Variants in DDR2 observed in about 807,000 individuals in gnomAD.
The protein encoded by DDR2 is discoidin domain receptor tyrosine kinase 2.
Under a neutral mutation model 94.9 loss-of-function variants are expected in DDR2, and 27 were observed. The ratio of observed to expected loss-of-function variants is 0.28; its 90% CI spans 0.21 to 0.39. The LOEUF is 0.39. Ranked by LOEUF, DDR2 falls within the 10% of genes least tolerant of loss-of-function variation. The pLI is 1.00. For synonymous variants in DDR2, 382 were observed against 377.2 expected, an observed-to-expected ratio of 1.01 and a Z score of -0.15; for missense variants, 783 against 1,076.0, an observed-to-expected ratio of 0.73 and a Z score of 3.81.
In DDR2 at chr1:162,741,255, AAT is replaced by A. The variant is rs1558057559; in HGVS notation, c.83-11839_83-11838del. Among the ~76,000 whole-genome samples the A allele has an allele frequency of 3.2e-3, 392 of 123,206 alleles. 5 individuals are homozygous for A. Among genetic ancestry groups the A allele is most frequent in the African/African-American group, 7.8e-3 (225 of 28,822 alleles). 80.8% of individuals were successfully genotyped at this position (123,206 alleles called of 152,430 possible). A position where few individuals can be genotyped will look rare whatever the true frequency, so the allele number is the denominator to read the frequency against. On this transcript the variant is annotated intron_variant, in intron 3 of 17. Transcript: ENST00000367921. ...AATATAATATAATATAGTATAATGT[AAT>A]GTAATGTAATATAATATAATATAAT...
chr1:162,652,601 A>G (rs1657758345), intron 1 of DDR2, among the ~76,000 whole-genome samples: 1 of 152,242 alleles, frequency 6.6e-6, no homozygotes. Context: ...TTTGGTTCAC[A>G]GACAATAAGG....
At chr1:162,775,281 C>T (rs532305578) in intron 14 of DDR2, among the ~76,000 whole-genome samples, 10 of 151,902 alleles carry the variant, frequency 6.6e-5, no homozygotes, top group African/African-American at 2.4e-4. Context: ...TAAATATCCT[C>T]GTGCACTTAA....
intron 11 of DDR2, among the ~76,000 whole-genome samples, chr1:162,769,234 G>T (rs1664146156): frequency 6.6e-6 from 1 of 152,196 alleles, no homozygotes; most frequent in Admixed American, 6.5e-5. Context: ...GGTCCTCCAA[G>T]AAATTCTACC....
At position 162,780,391 on chromosome 1, in the gene DDR2, C is replaced by A; in HGVS notation, c.*145C>A. ...TGCTTTGCCCTCTTTTCCTGGTCAC[C>A]CCCACTCCCTACCCCTGACTCATAT... On this transcript the variant is annotated 3_prime_UTR_variant, in exon 18 of 18. Coordinates refer to ENST00000367921, the MANE Select transcript of DDR2 (RefSeq NM_006182.4). 2 of 1,220,014 alleles carry A rather than the reference C, an allele frequency of 1.6e-6. No individual in the cohort carries two copies. The highest frequency in any genetic ancestry group is 1.3e-5 in the South Asian group (1 of 77,764). The allele number at this position is 1,220,014 out of a possible 1,614,324, so 75.6% of individuals were successfully genotyped here.
At chr1:162,699,268 C>G (rs901974600) in intron 2 of DDR2, among the ~76,000 whole-genome samples, 12 of 152,236 alleles carry the variant, frequency 7.9e-5, no homozygotes, top group African/African-American at 2.9e-4. Flanking sequence ...TAAATCTGAA[C>G]ACTTTCCTTG....
chr1:162,761,871 T>C (rs1181131980), intron 9 of DDR2, among the ~76,000 whole-genome samples: 2 of 152,226 alleles, frequency 1.3e-5, no homozygotes, highest in South Asian at 2.1e-4. Context: ...TTTTGCCATA[T>C]TTGTTTCACC....
At chr1:162,773,874 C>CAACTGTCT in intron 14 of DDR2, among the ~76,000 whole-genome samples, 1 of 152,322 alleles carries the variant, frequency 6.6e-6, no homozygotes, top group Non-Finnish European at 1.5e-5. Flanking sequence ...CCAACATATA[C>CAACTGTCT]AACTGTCTAA....
At chr1:162,643,110 T>C (rs1657223296) in intron 1 of DDR2, among the ~76,000 whole-genome samples, 1 of 152,154 alleles carries the variant, frequency 6.6e-6, no homozygotes, top group African/African-American at 2.4e-5. Context: ...CCTATTGTCT[T>C]TCCTTCACAA....
At chr1:162,748,170 T>C (rs1662979906) in intron 3 of DDR2, among the ~76,000 whole-genome samples, 1 of 152,174 alleles carries the variant, frequency 6.6e-6, no homozygotes, top group Admixed American at 6.5e-5. Context: ...TAAATGTAAA[T>C]GGGCTAAATG....
At position 162,785,517 on chromosome 1, in the gene DDR2, TAC is replaced by T. The variant is rs1648111958; in HGVS notation, c.*5273_*5274del. 6.6e-6 allele frequency: 1 copy of T among 152,178 alleles called. No homozygotes were observed. The highest frequency in any genetic ancestry group is 2.4e-5 in the African/African-American group (1 of 41,436). The allele number at this position is 152,178 out of a possible 1,614,324, so 9.4% of individuals were successfully genotyped here. ...AAGTTGAAACTCCAGTTTTGTGGAT[TAC>T]AGTTTTGAGTTTTATGATTGACATT... On this transcript the variant is annotated 3_prime_UTR_variant, in exon 18 of 18. Coordinates refer to ENST00000367921, the MANE Select transcript of DDR2 (RefSeq NM_006182.4).
chr1:162,753,872 T>G lies in DDR2; in HGVS notation c.185+675T>G, dbSNP rs76540284. ...TAAAATGGAATTACCCATAAGAAAA[T>G]GAATCCTGATGAACCTTTCCCCTTA... On this transcript the variant is annotated intron_variant, in intron 4 of 17. Transcript: ENST00000367921. Among the ~76,000 whole-genome samples the G allele has an allele frequency of 9.8e-3, 1,486 of 152,282 alleles. 21 individuals carry two copies. Among genetic ancestry groups the G allele is most frequent in the African/African-American group, 0.034 (1,418 of 41,558 alleles).
chr1:162,704,440 C>G (rs182029593), intron 2 of DDR2, among the ~76,000 whole-genome samples: 28 of 152,260 alleles, frequency 1.8e-4, no homozygotes, highest in African/African-American at 6.3e-4. Context: ...ATACCAACAT[C>G]AAATAACTAT....
chr1:162,673,957 T>C (rs1244618174), intron 2 of DDR2, among the ~76,000 whole-genome samples: 1 of 151,706 alleles, frequency 6.6e-6, no homozygotes, highest in Non-Finnish European at 1.5e-5. Context: ...CTCTAGGTAA[T>C]CTCTCTATTC....
intron 3 of DDR2, among the ~76,000 whole-genome samples, chr1:162,734,899 G>A (rs1662222721): frequency 6.6e-6 from 1 of 152,174 alleles, no homozygotes; most frequent in Admixed American, 6.5e-5. Context: ...AGCTAATTTG[G>A]GCTATTGTGT....
intron 16 of DDR2, among the ~76,000 whole-genome samples, chr1:162,776,979 C>G (rs1217004395): frequency 6.6e-6 from 1 of 152,126 alleles, no homozygotes; most frequent in Non-Finnish European, 1.5e-5. Context: ...AGACTATACA[C>G]TTTTACTTCC....
In DDR2 at chr1:162,667,400, C is replaced by T. The variant is rs900007249; in HGVS notation, c.-28+12026C>T. On this transcript the variant is annotated intron_variant, in intron 2 of 17. Coordinates refer to ENST00000367921, the MANE Select transcript of DDR2 (RefSeq NM_006182.4). Reference sequence around the variant, plus strand: ...CACACAGATAGACTATGGCAGACCCCGTGTTTCCCAGTGGCTTGAATTTTT... The same window carrying T: ...CACACAGATAGACTATGGCAGACCCTGTGTTTCCCAGTGGCTTGAATTTTT... Among the ~76,000 whole-genome samples, 10 of 152,160 alleles carry T rather than the reference C, an allele frequency of 6.6e-5. 1 individual carries two copies. The highest frequency in any genetic ancestry group is 5.8e-4 in the East Asian group (3 of 5,194).
chr1:162,651,536 T>A (rs1657691728), intron 1 of DDR2, among the ~76,000 whole-genome samples: 1 of 152,194 alleles, frequency 6.6e-6, no homozygotes, highest in South Asian at 2.1e-4. Context: ...CTTACTACCT[T>A]ACCAACCCAG....
intron 3 of DDR2, among the ~76,000 whole-genome samples, chr1:162,720,494 C>A (rs1390176811): frequency 6.6e-6 from 1 of 152,110 alleles, no homozygotes; most frequent in Non-Finnish European, 1.5e-5. Context: ...CAGTTGTCAA[C>A]TATTCATTTT....
intron 3 of DDR2, among the ~76,000 whole-genome samples, chr1:162,745,278 G>A (rs1468167550): frequency 6.6e-6 from 1 of 152,058 alleles, no homozygotes; most frequent in Non-Finnish European, 1.5e-5. Flanking sequence ...TCATTCCAAA[G>A]GTCTTTTCAC....
Sources: gnomAD v4.1 joint callset for allele counts (sites outside exome capture counted in the v4.1 genomes callset) on GRCh38, gnomAD v4.1.1 for gene constraint, MANE v1.5 for transcripts, NCBI Gene and HGNC (gene_info 2026-07-23, HGNC 2026-07-21) for gene names.